Variants in CLDN14 observed in about 807,000 individuals in gnomAD.
CLDN14 encodes claudin-14.
CLDN14 carries 2 observed loss-of-function variants against 2.1 expected under a neutral mutation model. The observed-to-expected ratio is 0.96, with a 90% CI of 0.39 to 3.01. The LOEUF is 3.01. Ranked by LOEUF, CLDN14 falls within the 30% of genes most tolerant of loss-of-function variation. The probability of loss-of-function intolerance (pLI) is 0.09; values close to 1 mark genes in which losing one functional copy is unlikely to be tolerated. For missense variants in CLDN14, 298 were observed against 328.0 expected (o/e 0.91, Z 0.71); for synonymous variants, 136 against 154.4 (o/e 0.88, Z 0.88).
At chr21:36,509,702 T>G (rs1053188757) in intron 2 of CLDN14, among the ~76,000 whole-genome samples, 2 of 152,184 alleles carry the variant, frequency 1.3e-5, no homozygotes, top group East Asian at 3.8e-4. Context: ...TTCAAGTGAT[T>G]CTAATGCGTC....
intron 2 of CLDN14, among the ~76,000 whole-genome samples, chr21:36,507,375 C>T (rs962982555): frequency 1.3e-5 from 2 of 152,136 alleles, no homozygotes; most frequent in African/African-American, 4.8e-5. Flanking sequence ...TTGTGGCCAT[C>T]ACCAGGTGAG....
chr21:36,538,781 G>A (rs1207270718), intron 1 of CLDN14, among the ~76,000 whole-genome samples: 1 of 152,120 alleles, frequency 6.6e-6, no homozygotes, highest in East Asian at 1.9e-4. Flanking sequence ...CAGTTGGAGT[G>A]GCCGATTGCT....
At chr21:36,477,188 C>T (rs2146443279) in intron 1 of CLDN14, among the ~76,000 whole-genome samples, 1 of 152,334 alleles carries the variant, frequency 6.6e-6, no homozygotes, top group Non-Finnish European at 1.5e-5. Flanking sequence ...CACGGGGCTC[C>T]CTGTAACTGC....
chr21:36,461,626 T>C lies in CLDN14; in HGVS notation c.70A>G (p.Thr24Ala). 1 of 1,590,934 alleles carries C rather than the reference T, an allele frequency of 6.3e-7. No homozygotes were observed. Among genetic ancestry groups the C allele is most frequent in the Non-Finnish European group, 8.6e-7 (1 of 1,169,446 alleles). ...SFLGMVGTLI[T>A]TILPHWRRTA... is the part of the protein sequence containing the mutation. ...CTCCGCCAGTGCGGCAGGATGGTGGTGATCAACGTGCCCACCATGCCCAGG... is the reference window on the plus strand; with the variant it reads ...CTCCGCCAGTGCGGCAGGATGGTGGCGATCAACGTGCCCACCATGCCCAGG... The change falls in exon 2 of 2, where the codon ACC becomes GCC. Residue 24 changes from threonine (T) to alanine (A), a missense_variant. By Grantham distance (58) the Thr-to-Ala change is moderately conservative (BLOSUM62 0). Transcript: ENST00000399135.
chr21:36,476,972 C>G (rs1024013093), intron 1 of CLDN14, among the ~76,000 whole-genome samples: 3 of 152,230 alleles, frequency 2.0e-5, no homozygotes, highest in Non-Finnish European at 4.4e-5. Context: ...GTGGCTTAGC[C>G]TTTAGACATA....
chr21:36,461,181 G>C lies in CLDN14; in HGVS notation c.515C>G (p.Ser172Cys). The change falls in exon 2 of 2, where the codon TCC becomes TGC. Residue 172 changes from serine to cysteine, a missense_variant. Coordinates refer to ENST00000399135, the MANE Select transcript of CLDN14 (RefSeq NM_001146079.2). ...QALYLGFISS[S>C]LSLIGGTLLC... Reference sequence around the variant, plus strand: ...CAGGGTGCCACCAATGAGCGAGAGGGACGAGGAGATGAAGCCCAGGTACAG... The same window carrying C: ...CAGGGTGCCACCAATGAGCGAGAGGCACGAGGAGATGAAGCCCAGGTACAG... 6.2e-7 allele frequency: 1 copy of C among 1,613,974 alleles called. No homozygotes were observed. Among genetic ancestry groups the C allele is most frequent in the Non-Finnish European group, 8.5e-7 (1 of 1,179,836 alleles).
chr21:36,507,855 G>A (rs752082155), intron 2 of CLDN14, among the ~76,000 whole-genome samples: 3 of 152,162 alleles, frequency 2.0e-5, no homozygotes, highest in Non-Finnish European at 4.4e-5. Flanking sequence ...ATTTACAAAC[G>A]GGACACACAC....
intron 1 of CLDN14, among the ~76,000 whole-genome samples, chr21:36,552,629 G>A (rs1305746128): frequency 6.6e-6 from 1 of 151,986 alleles, no homozygotes; most frequent in Non-Finnish European, 1.5e-5. Flanking sequence ...GGCCAAACTG[G>A]TTTTTACTGA....
intron 1 of CLDN14, among the ~76,000 whole-genome samples, chr21:36,557,717 TC>T (rs2087608642): frequency 6.6e-6 from 1 of 152,250 alleles, no homozygotes; most frequent in Non-Finnish European, 1.5e-5. Context: ...TGCAAATATT[TC>T]CTCCCATTCT....
intron 1 of CLDN14, among the ~76,000 whole-genome samples, chr21:36,465,639 G>A (rs1465982723): frequency 2.6e-5 from 4 of 152,196 alleles, no homozygotes; most frequent in African/African-American, 4.8e-5. Context: ...CTCCGGAAGC[G>A]CCCTGCCCTG....
At chr21:36,481,866 C>G (rs950010317), upstream of CLDN14, among the ~76,000 whole-genome samples, 2 of 152,210 alleles carry the variant, frequency 1.3e-5, no homozygotes, top group Non-Finnish European at 2.9e-5. Flanking sequence ...TTATTGGACT[C>G]CAGCACGTAT....
rs148985127 is a variant in CLDN14, at chr21:36,551,396, A to T, written c.-220+25015T>A. On this transcript the variant is annotated intron_variant, in intron 1 of 2. Transcript: ENST00000342108. The surrounding 1 kb of genome is among the most constrained non-coding windows in gnomAD (Gnocchi z 4.8). ...CGGGCAGACCCAGTCCAAACTTGGCACTACCTCCCACTGCCTCCTTTTCTT... is the reference window on the plus strand; with the variant it reads ...CGGGCAGACCCAGTCCAAACTTGGCTCTACCTCCCACTGCCTCCTTTTCTT... Among the ~76,000 whole-genome samples the T allele has an allele frequency of 2.0e-5, 3 of 152,250 alleles. No homozygotes were observed. The highest frequency in any genetic ancestry group is 7.2e-5 in the African/African-American group (3 of 41,554).
intron 1 of CLDN14, among the ~76,000 whole-genome samples, chr21:36,468,809 G>C (rs1272858146): frequency 4.0e-5 from 6 of 151,210 alleles, no homozygotes; most frequent in Non-Finnish European, 8.8e-5. Flanking sequence ...ACCCAGGCTG[G>C]AGTACAGTGG....
chr21:36,559,087 T>C (rs937200128), intron 1 of CLDN14, among the ~76,000 whole-genome samples: 12 of 152,200 alleles, frequency 7.9e-5, no homozygotes, highest in Admixed American at 3.3e-4. Context: ...CTTTCAGTTT[T>C]TTACTGTTGA....
upstream of CLDN14, among the ~76,000 whole-genome samples, chr21:36,484,556 T>C (rs114539090): frequency 0.016 from 2,493 of 152,252 alleles, 67 homozygotes; most frequent in African/African-American, 0.055. Context: ...CTTCTGGTGG[T>C]GGCCAGCAAT....
At chr21:36,559,192 A>G (rs1362986132) in intron 1 of CLDN14, among the ~76,000 whole-genome samples, 1 of 150,138 alleles carries the variant, frequency 6.7e-6, no homozygotes, top group Non-Finnish European at 1.5e-5. Context: ...ATTTTATTTT[A>G]TTTTATTTTA....
Position 36,487,046 on chromosome 21 carries a change from G to A in CLDN14, c.-82+23317C>T, listed in dbSNP as rs56900455. ...GTCACCTAGGCTGGTGTGCAATGGC[G>A]CAATCTCAGCTCACTGCAACCTCTG... On this transcript the variant is annotated intron_variant, in intron 2 of 2. Transcript: ENST00000342108. 1,284 of 253,818 alleles carry A rather than the reference G, an allele frequency of 5.1e-3. 8 individuals carry two copies. The highest frequency in any genetic ancestry group is 0.017 in the African/African-American group (725 of 43,046). 15.7% of individuals were successfully genotyped at this position (253,818 alleles called of 1,614,324 possible).
chr21:36,541,248 G>C (rs2087486090), intron 1 of CLDN14, among the ~76,000 whole-genome samples: 1 of 152,100 alleles, frequency 6.6e-6, no homozygotes, highest in Non-Finnish European at 1.5e-5. Flanking sequence ...TACTTGTTGA[G>C]GGCTTATCAT....
chr21:36,514,622 AGTGTGTGTGTGTGTGTGTGT>A (rs34558148), intron 1 of CLDN14, among the ~76,000 whole-genome samples: 2 of 33,658 alleles, frequency 5.9e-5, no homozygotes, highest in African/African-American at 1.3e-4. Flanking sequence ...CGTGAGAGAA[AGTGTGTGTGTGTGTGTGTGT>A]GTGTGTGTGT....
Sources: allele counts gnomAD v4.1 joint callset (sites outside exome capture counted in the v4.1 genomes callset), GRCh38; gene constraint gnomAD v4.1.1; non-coding constraint Gnocchi (gnomAD v3.1); transcripts MANE v1.5; gene names NCBI Gene and HGNC (gene_info 2026-07-23, HGNC 2026-07-21).